Variants in WASF3 observed in about 807,000 individuals in gnomAD.
WASF3 encodes WASP family member 3, also known as actin-binding protein WASF3.
Under a neutral mutation model 46.6 loss-of-function variants are expected in WASF3, and 11 were observed. That is an observed-to-expected ratio of 0.24 (90% CI 0.15 to 0.39). The LOEUF (loss-of-function observed/expected upper bound fraction) is 0.39. Among genes scored for constraint, WASF3 ranks in the 10% least tolerant of loss-of-function variants. WASF3 has a pLI of 1.00. For synonymous variants in WASF3, 242 were observed against 259.7 expected (o/e 0.93, Z 0.65); for missense variants, 576 against 669.8 (o/e 0.86, Z 1.55).
At chr13:26,539,381 C>T in the WASF3 span, among the ~76,000 whole-genome samples, 2 of 152,140 alleles carry the variant, frequency 1.3e-5, no homozygotes, top group Admixed American at 6.6e-5. Context: ...AGGGAGAAAA[C>T]AGGGAAGGCA....
intron 7 of WASF3, 91 bp downstream of exon 7, chr13:26,676,815 C>T (rs892201133): frequency 1.2e-5 from 16 of 1,310,228 alleles, no homozygotes; most frequent in South Asian, 1.2e-4. Context: ...TCAATAGCTT[C>T]GGGGTTTATA....
At chr13:26,584,545 A>G (rs1880075672) in intron 1 of WASF3, among the ~76,000 whole-genome samples, 1 of 152,228 alleles carries the variant, frequency 6.6e-6, no homozygotes, top group South Asian at 2.1e-4. Flanking sequence ...TACTAGTATT[A>G]TAGAAATTTA....
chr13:26,670,278 C>T (rs936178536), intron 5 of WASF3, among the ~76,000 whole-genome samples: 3 of 151,928 alleles, frequency 2.0e-5, no homozygotes, highest in African/African-American at 7.3e-5. Context: ...TGCATGTTCT[C>T]CACTCATAAG....
the WASF3 span, among the ~76,000 whole-genome samples, chr13:26,549,893 C>T: frequency 1.3e-5 from 2 of 152,134 alleles, no homozygotes. Context: ...GAGTTATTTT[C>T]TTCCTGCCAA....
intron 5 of WASF3, among the ~76,000 whole-genome samples, chr13:26,670,489 TATA>T (rs1412441620): frequency 6.6e-6 from 1 of 152,136 alleles, no homozygotes; most frequent in African/African-American, 2.4e-5. Flanking sequence ...GAACTTAAAG[TATA>T]ATAATAAAAA....
chr13:26,566,351 T>A (rs1260339430), intron 1 of WASF3, among the ~76,000 whole-genome samples: 1 of 152,206 alleles, frequency 6.6e-6, no homozygotes, highest in African/African-American at 2.4e-5. Flanking sequence ...TGGATTAGCT[T>A]ATAGGAAGTG....
chr13:26,594,424 C>T (rs1333974940), intron 1 of WASF3, among the ~76,000 whole-genome samples: 1 of 152,198 alleles, frequency 6.6e-6, no homozygotes, highest in East Asian at 1.9e-4. Flanking sequence ...AGCACTCAAG[C>T]TGGAATTGTG....
chr13:26,621,514 G>A (rs191924915), intron 2 of WASF3, among the ~76,000 whole-genome samples: 4 of 152,150 alleles, frequency 2.6e-5, no homozygotes, highest in South Asian at 2.1e-4. Context: ...GCACAGAGTC[G>A]TGTAGTGTTA....
chr13:26,554,796 T>A (rs886631986), upstream of WASF3, among the ~76,000 whole-genome samples: 1 of 152,232 alleles, frequency 6.6e-6, no homozygotes, highest in African/African-American at 2.4e-5. Context: ...ATTCACCTTG[T>A]GAGGGACATC....
chr13:26,591,813 C>T (rs998205423), intron 1 of WASF3, among the ~76,000 whole-genome samples: 3 of 151,946 alleles, frequency 2.0e-5, no homozygotes, highest in South Asian at 2.1e-4. Context: ...AGAAAAGGTC[C>T]GAGGACTGAG....
intron 7 of WASF3, 87 bp downstream of exon 7, chr13:26,676,811 G>A (rs1455990778): frequency 2.3e-6 from 3 of 1,331,186 alleles, no homozygotes; most frequent in South Asian, 3.3e-5. Context: ...TGCATCAATA[G>A]CTTCGGGGTT....
chr13:26,623,691 A>G (rs553669362), intron 2 of WASF3, among the ~76,000 whole-genome samples: 2 of 152,340 alleles, frequency 1.3e-5, no homozygotes, highest in African/African-American at 2.4e-5. Context: ...AGGTCCAGGT[A>G]TATGGATCAT....
intron 1 of WASF3, among the ~76,000 whole-genome samples, chr13:26,586,959 C>A (rs1317366373): frequency 6.6e-6 from 1 of 151,414 alleles, no homozygotes; most frequent in African/African-American, 2.4e-5. Flanking sequence ...AAAAATTAGC[C>A]AGGTGTGGTG....
At chr13:26,569,799 G>T (rs1879579346) in intron 1 of WASF3, among the ~76,000 whole-genome samples, 1 of 152,052 alleles carries the variant, frequency 6.6e-6, no homozygotes, top group African/African-American at 2.4e-5. Flanking sequence ...CAATCAATTT[G>T]GTGAGATTAA....
chr13:26,600,534 G>C (rs1158745120), intron 1 of WASF3, among the ~76,000 whole-genome samples: 1 of 152,158 alleles, frequency 6.6e-6, no homozygotes, highest in African/African-American at 2.4e-5. Context: ...TCTCATGTCA[G>C]GGCAGGGCAG....
chr13:26,626,134 G>A (rs565688061), intron 2 of WASF3: 1 of 152,348 alleles, frequency 6.6e-6, no homozygotes, highest in Admixed American at 6.5e-5. Flanking sequence ...TGCAGTAGGG[G>A]AGAGAGATTG....
At chr13:26,546,252 G>A in the WASF3 span, among the ~76,000 whole-genome samples, 1 of 152,186 alleles carries the variant, frequency 6.6e-6, no homozygotes, top group African/African-American at 2.4e-5. Flanking sequence ...AAAAACGCTT[G>A]AAGCAAATAT....
At chr13:26,627,893 GA>G (rs144182438) in intron 2 of WASF3, among the ~76,000 whole-genome samples, 23,779 of 129,632 alleles carry the variant, frequency 0.18, 2,397 homozygotes, top group South Asian at 0.29. Flanking sequence ...TAATAATAAA[GA>G]AAAAAAAACC....
Position 26,686,001 on chromosome 13 carries a change from G to A in WASF3, c.*156G>A. The A allele has an allele frequency of 1.0e-6, 1 of 995,956 alleles. No homozygotes were observed. The highest frequency in any genetic ancestry group is 1.8e-5 in the South Asian group (1 of 54,866). 61.7% of individuals were successfully genotyped at this position (995,956 alleles called of 1,614,324 possible). A position where few individuals can be genotyped will look rare whatever the true frequency, so the allele number is the denominator to read the frequency against. On this transcript the variant is annotated 3_prime_UTR_variant, in exon 10 of 10. Coordinates refer to ENST00000335327, the MANE Select transcript of WASF3 (RefSeq NM_006646.6). ...CATCCAAAAATTCTGGGTCTTTTCA[G>A]TATTTACTGTGTAATACTTAAGTGC...
Sources: gnomAD v4.1 joint callset for allele counts (sites outside exome capture counted in the v4.1 genomes callset) on GRCh38, gnomAD v4.1.1 for gene constraint, MANE v1.5 for transcripts, NCBI Gene and HGNC (gene_info 2026-07-23, HGNC 2026-07-21) for gene names.